EIPR1: variants seen among roughly 807,000 people sequenced by gnomAD.
EIPR1 encodes the protein EARP complex and GARP complex interacting protein 1.
A neutral mutation model predicts 48.1 loss-of-function variants in EIPR1; 25 were observed. The ratio of observed to expected loss-of-function variants is 0.52; its 90% CI spans 0.38 to 0.73. The LOEUF (loss-of-function observed/expected upper bound fraction) is 0.73. Ranked by LOEUF, EIPR1 falls within the 30% of genes least tolerant of loss-of-function variation. The pLI is 0.00. For synonymous variants in EIPR1, 204 were observed against 201.9 expected (o/e 1.01, Z -0.09); for missense variants, 415 against 506.2 (o/e 0.82, Z 1.73).
chr2:3,304,369 G>A (rs1668849153), intron 3 of EIPR1, among the ~76,000 whole-genome samples: 1 of 152,194 alleles, frequency 6.6e-6, no homozygotes. Flanking sequence ...CCAAGACTAT[G>A]TGATCCTGAC....
At chr2:3,207,117 C>T (rs540285847) in intron 5 of EIPR1, among the ~76,000 whole-genome samples, 1 of 152,300 alleles carries the variant, frequency 6.6e-6, no homozygotes, top group Admixed American at 6.5e-5. Context: ...ATTACAGCTG[C>T]TCCATCCGCA....
intron 4 of EIPR1, among the ~76,000 whole-genome samples, chr2:3,249,771 G>A (rs1438768021): frequency 6.6e-6 from 1 of 152,294 alleles, no homozygotes; most frequent in East Asian, 1.9e-4. Flanking sequence ...CCAGGCCCGG[G>A]GCCCCACTTC....
intron 3 of EIPR1, among the ~76,000 whole-genome samples, chr2:3,318,017 G>A (rs892643563): frequency 6.6e-6 from 1 of 152,224 alleles, no homozygotes; most frequent in African/African-American, 2.4e-5. Context: ...GGGATGCACA[G>A]CACTTCGGAC....
chr2:3,328,652 G>A (rs71444247), intron 3 of EIPR1, among the ~76,000 whole-genome samples: 54 of 125,910 alleles, frequency 4.3e-4, no homozygotes, highest in African/African-American at 7.7e-4. Context: ...CACCCACCAC[G>A]CTCTAATGAT....
chr2:3,327,084 A>C (rs952651709), intron 3 of EIPR1, among the ~76,000 whole-genome samples: 1 of 152,234 alleles, frequency 6.6e-6, no homozygotes, highest in Non-Finnish European at 1.5e-5. Context: ...GCTCTGGCAG[A>C]AACGGCCACA....
At chr2:3,368,318 C>G (rs777753758) in intron 1 of EIPR1, among the ~76,000 whole-genome samples, 1 of 152,156 alleles carries the variant, frequency 6.6e-6, no homozygotes, top group South Asian at 2.1e-4. Flanking sequence ...GGTGGTAAAC[C>G]GAAGGGAAAG....
intron 5 of EIPR1, among the ~76,000 whole-genome samples, chr2:3,204,795 A>G (rs1313956700): frequency 6.6e-6 from 1 of 152,186 alleles, no homozygotes; most frequent in Non-Finnish European, 1.5e-5. Context: ...CTTGATTTGG[A>G]GGACAGGAAA....
At chr2:3,317,361 A>C (rs577524451) in intron 3 of EIPR1, among the ~76,000 whole-genome samples, 2 of 145,292 alleles carry the variant, frequency 1.4e-5, no homozygotes, top group East Asian at 2.1e-4. Context: ...ATGGAGCCCC[A>C]GGAGCGCACA....
chr2:3,293,123 C>T (rs896411977), intron 3 of EIPR1, among the ~76,000 whole-genome samples: 4 of 152,214 alleles, frequency 2.6e-5, no homozygotes, highest in East Asian at 1.9e-4. Context: ...AGAACAATCT[C>T]GACAAACTAT....
rs1426500934 is a variant in EIPR1 at position 3,197,007 on chromosome 2, G to A, written c.527C>T (p.Ser176Leu). 4 of 1,613,884 alleles carry A rather than the reference G, an allele frequency of 2.5e-6. No individual in the cohort carries two copies. Among genetic ancestry groups the A allele is most frequent in the Admixed American group, 1.7e-5 (1 of 60,026 alleles). ...TTGTCCCTTCCCTTCCAGGGACGCT[G>A]AGCTGGCCAGCTGGGAGTGTCACGA... is the stretch of plus-strand genomic sequence containing the variant. ...ESSSQAVLAS[S>L]ASLEGKGQLK... is the part of the protein sequence containing the mutation. Residue 176 changes from serine (S) to leucine (L), a missense_variant, in exon 6 of 9, where the codon TCA (serine) becomes TTA (leucine). Ser to Leu is a moderately radical substitution (Grantham distance 145). Transcript: ENST00000382125.
At chr2:3,261,094 T>C (rs921539927) in intron 3 of EIPR1, among the ~76,000 whole-genome samples, 37 of 152,210 alleles carry the variant, frequency 2.4e-4, no homozygotes, top group African/African-American at 8.2e-4. Flanking sequence ...CAGCCCCAAG[T>C]AAATGTGGTC....
intron 4 of EIPR1, among the ~76,000 whole-genome samples, chr2:3,231,960 G>T (rs1425317494): frequency 6.6e-6 from 1 of 152,160 alleles, no homozygotes; most frequent in Admixed American, 6.5e-5. Flanking sequence ...AAGTCATCAG[G>T]TCCTGGGCTT....
At chr2:3,341,970 T>C (rs970770096) in intron 2 of EIPR1, among the ~76,000 whole-genome samples, 3 of 152,206 alleles carry the variant, frequency 2.0e-5, no homozygotes, top group African/African-American at 7.2e-5. Context: ...TTTATTATAT[T>C]AGCCAACTTT....
At chr2:3,257,236 A>T (rs1426271142) in intron 4 of EIPR1, 63 bp downstream of exon 4, 10 of 1,542,300 alleles carry the variant, frequency 6.5e-6, no homozygotes, top group Admixed American at 1.9e-5. Context: ...GAATCTGCAC[A>T]AGCTCCTGCA....
intron 4 of EIPR1, among the ~76,000 whole-genome samples, chr2:3,232,825 T>A (rs762500718): frequency 6.6e-6 from 1 of 152,190 alleles, no homozygotes; most frequent in Non-Finnish European, 1.5e-5. Flanking sequence ...TGCACTGGCT[T>A]CTCTCCTCTC....
rs1293336296 is a variant in EIPR1, at chr2:3,377,785, T to C, written c.-96A>G. 2.8e-6 allele frequency: 4 copies of C among 1,448,390 alleles called. No individual in the cohort carries two copies. The highest frequency in any genetic ancestry group is 3.8e-6 in the Non-Finnish European group (4 of 1,062,472). The allele number at this position is 1,448,390 out of a possible 1,614,324, so 89.7% of individuals were successfully genotyped here. On this transcript the variant is annotated 5_prime_UTR_variant, in exon 1 of 9. It removes an upstream start codon present in the reference 5' UTR. Transcript: ENST00000382125. Reference sequence around the variant, plus strand: ...CTCGCGGGCGTGTTCCCAGCGCCCATTCATTCCCTCCCCGCAGCAAACGAC... The same window carrying C: ...CTCGCGGGCGTGTTCCCAGCGCCCACTCATTCCCTCCCCGCAGCAAACGAC...
intron 3 of EIPR1, among the ~76,000 whole-genome samples, chr2:3,318,061 C>A (rs540333611): frequency 6.6e-6 from 1 of 152,380 alleles, no homozygotes; most frequent in Admixed American, 6.5e-5. Flanking sequence ...CTGCTTCCTG[C>A]TGGGTCCCAG....
chr2:3,260,069 A>G (rs1306408581), intron 3 of EIPR1, among the ~76,000 whole-genome samples: 4 of 152,260 alleles, frequency 2.6e-5, no homozygotes, highest in African/African-American at 9.6e-5. Context: ...AAAAAGACGA[A>G]TAACATAGAA....
chr2:3,217,779 T>G (rs1313372769), intron 4 of EIPR1, among the ~76,000 whole-genome samples: 1 of 152,094 alleles, frequency 6.6e-6, no homozygotes, highest in East Asian at 1.9e-4. Context: ...ATGGTACCAG[T>G]CTGATATACC....
Sources: gnomAD v4.1 joint callset for allele counts (sites outside exome capture counted in the v4.1 genomes callset) on GRCh38, gnomAD v4.1.1 for gene constraint, MANE v1.5 for transcripts, NCBI Gene and HGNC (gene_info 2026-07-23, HGNC 2026-07-21) for gene names.